The following EFR3B variants were observed in gnomAD, a reference collection of about 807,000 sequenced individuals.
EFR3B encodes the protein protein EFR3 homolog B.
Under a neutral mutation model 104.7 loss-of-function variants are expected in EFR3B, and 64 were observed. The observed-to-expected ratio is 0.61, with a 90% CI of 0.50 to 0.75. The LOEUF (loss-of-function observed/expected upper bound fraction) is 0.75. Ranked by LOEUF, EFR3B falls within the 30% of genes least tolerant of loss-of-function variation. The pLI is 0.00. For synonymous variants in EFR3B, 385 were observed against 417.9 expected, an observed-to-expected ratio of 0.92 and a Z score of 0.96; for missense variants, 750 against 1,078.5, an observed-to-expected ratio of 0.70 and a Z score of 4.27.
chr2:25,129,129 C>T (rs1347584434), intron 6 of EFR3B, among the ~76,000 whole-genome samples: 3 of 151,970 alleles, frequency 2.0e-5, no homozygotes, highest in Admixed American at 6.6e-5. Context: ...TCAGTAAGAG[C>T]TTGCAGATAC....
At chr2:25,053,479 A>C (rs1667937131) in intron 1 of EFR3B, among the ~76,000 whole-genome samples, 1 of 152,300 alleles carries the variant, frequency 6.6e-6, no homozygotes, top group Admixed American at 6.5e-5. Context: ...GGCCACACAC[A>C]CACCTGGATG....
At position 25,130,690 on chromosome 2, in the gene EFR3B, C is replaced by T. The variant is rs568561826; in HGVS notation, c.849+60C>T. The T allele has an allele frequency of 1.9e-5, 28 of 1,455,030 alleles. No individual in the cohort carries two copies. The highest frequency in any genetic ancestry group is 2.5e-5 in the Non-Finnish European group (27 of 1,059,742). The allele number at this position is 1,455,030 out of a possible 1,614,324, so 90.1% of individuals were successfully genotyped here. Reference sequence around the variant, plus strand: ...GACAAAGGCCTCTCTAGAAGCTAGACGGGTGCTAAAATAGAAAGCCAGAAG... The same window carrying T: ...GACAAAGGCCTCTCTAGAAGCTAGATGGGTGCTAAAATAGAAAGCCAGAAG... On this transcript the variant is annotated intron_variant, in intron 8 of 22. Transcript: ENST00000403714. This position sits in a 1 kb window ranked among gnomAD's most constrained non-coding sequence, Gnocchi z 4.6.
In EFR3B at chr2:25,157,975, CA is replaced by C. The variant is rs952763401; in HGVS notation, c.*3636del. 9.2e-5 allele frequency: 14 copies of C among 152,306 alleles called. No individual in the cohort carries two copies. The highest frequency in any genetic ancestry group is 3.4e-4 in the African/African-American group (14 of 41,464). 9.4% of individuals were successfully genotyped at this position (152,306 alleles called of 1,614,324 possible). On this transcript the variant is annotated 3_prime_UTR_variant, in exon 23 of 23. Transcript: ENST00000403714. Reference sequence around the variant, plus strand: ...AGCAGGAAAAGAGGAGGCCTGGACTCACTGAAGTACTTGAAGAAGCACAAGT... The same window carrying C: ...AGCAGGAAAAGAGGAGGCCTGGACTCCTGAAGTACTTGAAGAAGCACAAGT...
chr2:25,089,126 AG>A (rs1454732353), intron 1 of EFR3B, among the ~76,000 whole-genome samples: 6 of 152,264 alleles, frequency 3.9e-5, no homozygotes, highest in African/African-American at 1.4e-4. Context: ...AGAGAGCAGG[AG>A]GCAGCAGCCT....
chr2:25,108,263 C>T (rs1294151341), intron 4 of EFR3B, among the ~76,000 whole-genome samples: 2 of 152,166 alleles, frequency 1.3e-5, no homozygotes, highest in Non-Finnish European at 2.9e-5. Context: ...TGGGGATTCA[C>T]TTCTGCACAC....
chr2:25,103,322 G>A (rs1669473662), intron 3 of EFR3B, among the ~76,000 whole-genome samples: 1 of 152,190 alleles, frequency 6.6e-6, no homozygotes, highest in Non-Finnish European at 1.5e-5. Flanking sequence ...GTTTGCTATT[G>A]TGAGCATCAA....
chr2:25,098,614 C>A (rs1010334166), intron 3 of EFR3B, among the ~76,000 whole-genome samples: 5 of 152,096 alleles, frequency 3.3e-5, no homozygotes, highest in African/African-American at 1.2e-4. Flanking sequence ...CTTCCAAGGT[C>A]CCATTGACTT....
chr2:25,060,011 A>G (rs1668144302), intron 1 of EFR3B, among the ~76,000 whole-genome samples: 1 of 152,076 alleles, frequency 6.6e-6, no homozygotes, highest in Non-Finnish European at 1.5e-5. Context: ...AGCCCGGCCA[A>G]CATGGTGAAA....
rs10199218 is a variant in EFR3B at position 25,156,073 on chromosome 2, T to C, written c.*1733T>C. 21,451 of 152,032 alleles carry C rather than the reference T, an allele frequency of 0.14. 3,084 individuals carry two copies. The highest frequency in any genetic ancestry group is 0.36 in the African/African-American group (14,781 of 41,406). The allele number at this position is 152,032 out of a possible 1,614,324, so 9.4% of individuals were successfully genotyped here. ...GACGGCCTCAGCTCATAGCCCCACG[T>C]GTGGTGTGCACGGATGTGCAGGGAG... On this transcript the variant is annotated 3_prime_UTR_variant, in exon 23 of 23. Coordinates refer to ENST00000403714, the MANE Select transcript of EFR3B (RefSeq NM_014971.2).
chr2:25,065,294 C>T (rs531281541), intron 1 of EFR3B, among the ~76,000 whole-genome samples: 30 of 151,980 alleles, frequency 2.0e-4, no homozygotes, highest in African/African-American at 7.0e-4. Flanking sequence ...GATCCTCCCT[C>T]TTCAGCCTCC....
intron 16 of EFR3B, 36 bp downstream of exon 16, chr2:25,139,226 T>A: frequency 6.5e-7 from 1 of 1,540,532 alleles, no homozygotes; most frequent in Non-Finnish European, 8.8e-7. Flanking sequence ...CAGGGGGCCC[T>A]CAACTTGGGG....
chr2:25,085,383 T>G (rs1343478830), intron 1 of EFR3B, among the ~76,000 whole-genome samples: 2 of 152,232 alleles, frequency 1.3e-5, no homozygotes. Flanking sequence ...TAGTATTATA[T>G]TCCTTCCTAT....
intron 10 of EFR3B, 139 bp from the exon 11 acceptor site, chr2:25,132,764 G>A: frequency 1.4e-6 from 1 of 696,050 alleles, no homozygotes; most frequent in Non-Finnish European, 2.5e-6. Flanking sequence ...ATCACACCCG[G>A]GCTATCCTGA....
In EFR3B at chr2:25,110,669, T is replaced by C. The variant is rs540512725; in HGVS notation, c.363+6882T>C. Reference sequence around the variant, plus strand: ...GTTCAAGTCTCTTGCAGTGTAGAAATAAATTAAATTAATAAACAAGAGAAA... The same window carrying C: ...GTTCAAGTCTCTTGCAGTGTAGAAACAAATTAAATTAATAAACAAGAGAAA... On this transcript the variant is annotated intron_variant, in intron 4 of 22. Transcript: ENST00000403714. Among the ~76,000 whole-genome samples, 3 of 152,304 alleles carry C rather than the reference T, an allele frequency of 2.0e-5. No homozygotes were observed. The South Asian group carries it at 6.2e-4, about 32-fold the overall frequency.
intron 3 of EFR3B, among the ~76,000 whole-genome samples, chr2:25,098,940 G>A (rs1282551026): frequency 6.6e-6 from 1 of 151,332 alleles, no homozygotes; most frequent in African/African-American, 2.4e-5. Context: ...AAGCCCTGGG[G>A]CTCACGAGGC....
intron 1 of EFR3B, among the ~76,000 whole-genome samples, chr2:25,076,877 T>C (rs1280443766): frequency 6.6e-6 from 1 of 152,218 alleles, no homozygotes; most frequent in Non-Finnish European, 1.5e-5. Context: ...CTGATTTGTG[T>C]GTTACTTCAG....
At chr2:25,101,567 T>G (rs531434331) in intron 3 of EFR3B, among the ~76,000 whole-genome samples, 3 of 152,152 alleles carry the variant, frequency 2.0e-5, no homozygotes, top group Non-Finnish European at 2.9e-5. Context: ...CAGGCTGTCT[T>G]GAACTCCTGG....
At chr2:25,080,500 G>T in intron 1 of EFR3B, 1 of 480,736 alleles carries the variant, frequency 2.1e-6, no homozygotes, top group Non-Finnish European at 3.7e-6. Context: ...TCACCGTGTT[G>T]GCCAGACTGT....
At chr2:25,138,186 T>C (rs911770102) in intron 15 of EFR3B, among the ~76,000 whole-genome samples, 2 of 152,032 alleles carry the variant, frequency 1.3e-5, no homozygotes, top group African/African-American at 2.4e-5. Context: ...TTTAAAAAAT[T>C]AAAAATTAAA....
Sources: gnomAD v4.1 joint callset for allele counts (sites outside exome capture counted in the v4.1 genomes callset) on GRCh38, gnomAD v4.1.1 for gene constraint, Gnocchi (gnomAD v3.1) non-coding constraint, MANE v1.5 for transcripts, NCBI Gene and HGNC (gene_info 2026-07-23, HGNC 2026-07-21) for gene names.